Variants in SLC26A7 observed in about 807,000 individuals in gnomAD.
SLC26A7 encodes the protein solute carrier family 26 member 7.
SLC26A7 carries 59 observed loss-of-function variants against 82.5 expected under a neutral mutation model. That is an observed-to-expected ratio of 0.72 (90% CI 0.58 to 0.89). SLC26A7 has a LOEUF of 0.89. Among genes scored for constraint, SLC26A7 ranks in the 40% least tolerant of loss-of-function variants. SLC26A7 has a pLI of 0.00. For synonymous variants in SLC26A7, 271 were observed against 274.3 expected (o/e 0.99, Z 0.12); for missense variants, 820 against 793.0 (o/e 1.03, Z -0.41).
intron 2 of SLC26A7, among the ~76,000 whole-genome samples, chr8:91,271,402 C>T (rs13266884): frequency 0.086 from 13,129 of 152,214 alleles, 839 homozygotes; most frequent in African/African-American, 0.18. Context: ...GATAATTCTA[C>T]TAATGCTTGT....
chr8:91,357,554 C>A (rs1563696934), intron 11 of SLC26A7, among the ~76,000 whole-genome samples: 1 of 152,122 alleles, frequency 6.6e-6, no homozygotes, highest in Non-Finnish European at 1.5e-5. Flanking sequence ...ACTGGCTAGC[C>A]ATAGGTAGAA....
chr8:91,368,665 C>T (rs1421074485), intron 14 of SLC26A7, among the ~76,000 whole-genome samples: 6 of 151,998 alleles, frequency 3.9e-5, no homozygotes, highest in African/African-American at 9.7e-5. Context: ...CCTCGTGATC[C>T]GCCCACCTCG....
At chr8:91,318,608 T>G (rs1812707442) in intron 5 of SLC26A7, among the ~76,000 whole-genome samples, 1 of 152,118 alleles carries the variant, frequency 6.6e-6, no homozygotes, top group Non-Finnish European at 1.5e-5. Flanking sequence ...TATGAGCTAA[T>G]TTGGGGGCAT....
intron 8 of SLC26A7, among the ~76,000 whole-genome samples, chr8:91,341,347 A>G (rs1586431136): frequency 6.6e-6 from 1 of 152,250 alleles, no homozygotes; most frequent in South Asian, 2.1e-4. Context: ...ATAGTATTCC[A>G]TGGTGTATAT....
rs1811645553 is a variant in SLC26A7 at position 91,284,026 on chromosome 8, A to G, written c.194-5110A>G. Reference sequence around the variant, plus strand: ...TGGTTTGGCAACTTAAAAAAAATGAATACAGTACTTTAACATGATTTTGAG... The same window carrying G: ...TGGTTTGGCAACTTAAAAAAAATGAGTACAGTACTTTAACATGATTTTGAG... On this transcript the variant is annotated intron_variant, in intron 2 of 18. Coordinates refer to ENST00000276609, the MANE Select transcript of SLC26A7 (RefSeq NM_052832.4). Among the ~76,000 whole-genome samples the G allele has an allele frequency of 1.3e-5, 2 of 152,224 alleles. 1 individual carries two copies. The highest frequency in any genetic ancestry group is 4.1e-4 in the South Asian group (2 of 4,832).
intron 18 of SLC26A7, chr8:91,394,342 C>T: frequency 1.2e-6 from 2 of 1,603,522 alleles, no homozygotes; most frequent in Non-Finnish European, 1.7e-6. Flanking sequence ...CCAGGATCTA[C>T]TGTCCTGGGG....
At chr8:91,338,536 G>T (rs1215399489) in intron 7 of SLC26A7, among the ~76,000 whole-genome samples, 1 of 152,126 alleles carries the variant, frequency 6.6e-6, no homozygotes, top group African/African-American at 2.4e-5. Context: ...GTTATGATCT[G>T]GGATTTAGTC....
At chr8:91,345,742 C>T (rs1170075722) in intron 9 of SLC26A7, among the ~76,000 whole-genome samples, 1 of 152,100 alleles carries the variant, frequency 6.6e-6, no homozygotes, top group East Asian at 1.9e-4. Context: ...ATAGTATCTT[C>T]GAAGTGTTTC....
Position 91,306,523 on chromosome 8 carries a change from A to G in SLC26A7, c.477+10820A>G, listed in dbSNP as rs139458777. On this transcript the variant is annotated intron_variant, in intron 4 of 18. Transcript: ENST00000276609. Reference sequence around the variant, plus strand: ...TTTTCTTTTCTTTTTTTCACTTTTAATAACTTTCACTTTAGGATGATTTTA... The same window carrying G: ...TTTTCTTTTCTTTTTTTCACTTTTAGTAACTTTCACTTTAGGATGATTTTA... Among the ~76,000 whole-genome samples, 647 of 152,222 alleles carry G rather than the reference A, an allele frequency of 4.3e-3. 5 individuals are homozygous for G. Among genetic ancestry groups the G allele is most frequent in the African/African-American group, 0.014 (595 of 41,528 alleles).
chr8:91,324,712 G>A (rs1266636890), intron 5 of SLC26A7, among the ~76,000 whole-genome samples: 1 of 152,160 alleles, frequency 6.6e-6, no homozygotes, highest in Non-Finnish European at 1.5e-5. Context: ...GGCAAATGAA[G>A]TAATCTCAGA....
intron 2 of SLC26A7, among the ~76,000 whole-genome samples, chr8:91,264,098 C>T (rs968017735): frequency 6.6e-6 from 1 of 152,042 alleles, no homozygotes; most frequent in African/African-American, 2.4e-5. Context: ...ACCTCTAAGG[C>T]TGGTCCAGAG....
In SLC26A7 at chr8:91,294,711, G is replaced by A. The variant is rs113510016; in HGVS notation, c.305-820G>A. ...ACCAGGCTGCATTCTCAGGCATGCT[G>A]TGCCAAGATGAGAGGCTTCAGAACT... On this transcript the variant is annotated intron_variant, in intron 3 of 18. Transcript: ENST00000276609. 1.4e-3 allele frequency among the ~76,000 whole-genome samples: 209 copies of A among 152,314 alleles called. 2 individuals carry two copies. The highest frequency in any genetic ancestry group is 4.9e-3 in the African/African-American group (205 of 41,580).
intron 2 of SLC26A7, among the ~76,000 whole-genome samples, chr8:91,232,803 A>C (rs1257719134): frequency 6.6e-6 from 1 of 152,228 alleles, no homozygotes; most frequent in African/African-American, 2.4e-5. Context: ...ACCTCTATGA[A>C]GCTTCAATCT....
At position 91,311,792 on chromosome 8, in the gene SLC26A7, C is replaced by T. The variant is rs560603095; in HGVS notation, c.478-6424C>T. Among the ~76,000 whole-genome samples the T allele has an allele frequency of 2.0e-5, 3 of 152,190 alleles. No individual in the cohort carries two copies. In the South Asian group the frequency reaches 6.2e-4, roughly 32 times the overall value. On this transcript the variant is annotated intron_variant, in intron 4 of 18. Transcript: ENST00000276609. ...GAGGAAGAGGGAGGATGTGGTAATC[C>T]ACATGTAGCAGGGGAATAGGAGCAG...
intron 4 of SLC26A7, among the ~76,000 whole-genome samples, chr8:91,315,258 C>A (rs535148848): frequency 2.0e-4 from 30 of 152,262 alleles, no homozygotes; most frequent in Non-Finnish European, 3.5e-4. Flanking sequence ...CTACATTTAG[C>A]TGAAATGAAA....
intron 2 of SLC26A7, among the ~76,000 whole-genome samples, chr8:91,251,075 A>G (rs1810644170): frequency 6.6e-6 from 1 of 152,034 alleles, no homozygotes; most frequent in Non-Finnish European, 1.5e-5. Context: ...TAGTTTCAGC[A>G]TGCTATAAAT....
chr8:91,316,275 T>C (rs1812627414), intron 4 of SLC26A7, among the ~76,000 whole-genome samples: 1 of 151,782 alleles, frequency 6.6e-6, no homozygotes, highest in Non-Finnish European at 1.5e-5. Flanking sequence ...TTGCCAACAA[T>C]AGTTTCTTAT....
intron 2 of SLC26A7, among the ~76,000 whole-genome samples, chr8:91,225,121 G>C (rs918323460): frequency 6.6e-6 from 1 of 152,220 alleles, no homozygotes; most frequent in African/African-American, 2.4e-5. Flanking sequence ...AGGCAGTTGT[G>C]AGTCCCAGTG....
At chr8:91,348,626 G>C (rs1813630111) in intron 9 of SLC26A7, among the ~76,000 whole-genome samples, 1 of 152,130 alleles carries the variant, frequency 6.6e-6, no homozygotes, top group Non-Finnish European at 1.5e-5. Flanking sequence ...CCTAGCCAGT[G>C]TTTGCCCAGT....
Sources: allele counts gnomAD v4.1 joint callset (sites outside exome capture counted in the v4.1 genomes callset), GRCh38; gene constraint gnomAD v4.1.1; transcripts MANE v1.5; gene names NCBI Gene and HGNC (gene_info 2026-07-23, HGNC 2026-07-21).